CNTNAP5: variants seen among roughly 807,000 people sequenced by gnomAD.
CNTNAP5 encodes the protein contactin-associated protein-like 5.
A neutral mutation model predicts 150.2 loss-of-function variants in CNTNAP5; 72 were observed. The ratio of observed to expected loss-of-function variants is 0.48; its 90% CI spans 0.40 to 0.58. CNTNAP5 has a LOEUF of 0.58. CNTNAP5 is among the 20% of genes least tolerant of loss of function. The probability of loss-of-function intolerance (pLI) is 0.00; values close to 1 mark genes in which losing one functional copy is unlikely to be tolerated. For synonymous variants in CNTNAP5, 672 were observed against 619.8 expected, an observed-to-expected ratio of 1.08 and a Z score of -1.25; for missense variants, 1,636 against 1,626.2, an observed-to-expected ratio of 1.01 and a Z score of -0.10.
At chr2:124,127,813 G>A (rs1005712652) in intron 1 of CNTNAP5, among the ~76,000 whole-genome samples, 4 of 152,180 alleles carry the variant, frequency 2.6e-5, no homozygotes, top group Non-Finnish European at 5.9e-5. Context: ...ATGGGGAAAA[G>A]ATTCCCTATT....
chr2:124,719,180 T>C (rs982926501), intron 13 of CNTNAP5, among the ~76,000 whole-genome samples: 1 of 152,184 alleles, frequency 6.6e-6, no homozygotes, highest in Non-Finnish European at 1.5e-5. Context: ...GGTTTCACTC[T>C]CTCCAGCTAT....
intron 6 of CNTNAP5, among the ~76,000 whole-genome samples, chr2:124,465,290 A>G (rs989621630): frequency 6.6e-6 from 1 of 152,208 alleles, no homozygotes; most frequent in African/African-American, 2.4e-5. Flanking sequence ...GCAAGTTACC[A>G]GATGGACTAT....
chr2:124,266,823 T>C (rs2104607857), intron 3 of CNTNAP5, among the ~76,000 whole-genome samples: 1 of 152,336 alleles, frequency 6.6e-6, no homozygotes, highest in Admixed American at 6.5e-5. Context: ...AGCGACACTT[T>C]GTCTTTTGTG....
At chr2:124,391,655 C>A (rs2104748940) in intron 3 of CNTNAP5, among the ~76,000 whole-genome samples, 1 of 152,278 alleles carries the variant, frequency 6.6e-6, no homozygotes, top group African/African-American at 2.4e-5. Flanking sequence ...GCTGTTCTTA[C>A]CGCAAAAAAA....
chr2:124,356,577 G>C (rs547942740), intron 3 of CNTNAP5, among the ~76,000 whole-genome samples: 1 of 151,014 alleles, frequency 6.6e-6, no homozygotes, highest in Admixed American at 6.6e-5. Flanking sequence ...TTGTTCTTGC[G>C]ATAGTTTACT....
At chr2:124,804,601 C>T (rs1682042642) in intron 19 of CNTNAP5, among the ~76,000 whole-genome samples, 2 of 152,134 alleles carry the variant, frequency 1.3e-5, no homozygotes, top group South Asian at 4.1e-4. Context: ...CACTAGAGAA[C>T]TCTGTCTCCT....
At chr2:124,408,204 T>C (rs1351395819) in intron 3 of CNTNAP5, among the ~76,000 whole-genome samples, 1 of 152,146 alleles carries the variant, frequency 6.6e-6, no homozygotes, top group East Asian at 1.9e-4. Flanking sequence ...ACCACGAGAT[T>C]ATATCTCGCA....
chr2:124,541,152 T>C (rs1343847661), intron 10 of CNTNAP5, among the ~76,000 whole-genome samples: 1 of 148,386 alleles, frequency 6.7e-6, no homozygotes, highest in Admixed American at 6.8e-5. Flanking sequence ...GTGTGGAGAC[T>C]TAGAGGATAA....
chr2:124,254,640 T>G (rs940235287), intron 3 of CNTNAP5, among the ~76,000 whole-genome samples: 1 of 152,192 alleles, frequency 6.6e-6, no homozygotes, highest in Non-Finnish European at 1.5e-5. Flanking sequence ...CAGTTCCCAG[T>G]AAAATCATTT....
intron 11 of CNTNAP5, among the ~76,000 whole-genome samples, chr2:124,574,854 T>C (rs1478622100): frequency 6.6e-6 from 1 of 152,240 alleles, no homozygotes; most frequent in Non-Finnish European, 1.5e-5. Context: ...ATTTCCCTAG[T>C]CATTAAAATT....
At chr2:124,056,362 C>T (rs1336797366) in intron 1 of CNTNAP5, among the ~76,000 whole-genome samples, 3 of 152,102 alleles carry the variant, frequency 2.0e-5, no homozygotes, top group Non-Finnish European at 4.4e-5. Flanking sequence ...CGGTGGCTCA[C>T]GCCTGTAATC....
At chr2:124,455,441 C>G (rs1693097360) in intron 6 of CNTNAP5, among the ~76,000 whole-genome samples, 1 of 152,024 alleles carries the variant, frequency 6.6e-6, no homozygotes, top group Non-Finnish European at 1.5e-5. Flanking sequence ...CAGGACCAGA[C>G]AGTTTCACAG....
intron 3 of CNTNAP5, among the ~76,000 whole-genome samples, chr2:124,388,752 C>T (rs2059980): frequency 0.045 from 6,791 of 152,214 alleles, 203 homozygotes; most frequent in Non-Finnish European, 0.069. Flanking sequence ...TGAGACTCCA[C>T]TGGCTTCAAT....
At chr2:124,844,024 C>G (rs1682997176) in intron 19 of CNTNAP5, among the ~76,000 whole-genome samples, 1 of 151,590 alleles carries the variant, frequency 6.6e-6, no homozygotes. Context: ...GTCCTGTTTG[C>G]ATATTTATAT....
chr2:124,426,142 T>A (rs112341372), intron 4 of CNTNAP5, among the ~76,000 whole-genome samples: 2,209 of 150,880 alleles, frequency 0.015, 54 homozygotes, highest in African/African-American at 0.052. Context: ...GAATTCAGAG[T>A]TTTGATTTTT....
chr2:124,354,626 T>C (rs1188114815), intron 3 of CNTNAP5, among the ~76,000 whole-genome samples: 1 of 152,162 alleles, frequency 6.6e-6, no homozygotes, highest in African/African-American at 2.4e-5. Flanking sequence ...ATGAGTAAGC[T>C]GCCAGTCTTG....
At chr2:124,229,090 T>C (rs1686545696) in intron 2 of CNTNAP5, among the ~76,000 whole-genome samples, 1 of 152,166 alleles carries the variant, frequency 6.6e-6, no homozygotes, top group African/African-American at 2.4e-5. Flanking sequence ...GGTAGACTCA[T>C]GTCTGCCCTA....
intron 13 of CNTNAP5, among the ~76,000 whole-genome samples, chr2:124,673,671 G>A (rs566928795): frequency 3.5e-4 from 53 of 151,252 alleles, no homozygotes; most frequent in Middle Eastern, 3.4e-3. Flanking sequence ...TGGGCATTAC[G>A]TAATTTAATA....
At chr2:124,756,679 T>G (rs989322111) in intron 14 of CNTNAP5, among the ~76,000 whole-genome samples, 3 of 152,124 alleles carry the variant, frequency 2.0e-5, no homozygotes, top group African/African-American at 7.2e-5. Flanking sequence ...AACCAAATAC[T>G]GCATCTTCTC....
Sources: allele counts gnomAD v4.1 joint callset (sites outside exome capture counted in the v4.1 genomes callset), GRCh38; gene constraint gnomAD v4.1.1; transcripts MANE v1.5; gene names NCBI Gene and HGNC (gene_info 2026-07-23, HGNC 2026-07-21).